The following MEDAG variants were observed in gnomAD, a reference collection of about 807,000 sequenced individuals.
MEDAG encodes mesenteric estrogen dependent adipogenesis.
Under a neutral mutation model 29.9 loss-of-function variants are expected in MEDAG, and 25 were observed. The ratio of observed to expected loss-of-function variants is 0.84; its 90% CI spans 0.61 to 1.17. MEDAG has a LOEUF of 1.17. MEDAG is among the 50% of genes most tolerant of loss of function. MEDAG has a pLI of 0.00. For synonymous variants in MEDAG, 158 were observed against 148.2 expected, an observed-to-expected ratio of 1.07 and a Z score of -0.48; for missense variants, 398 against 372.9, an observed-to-expected ratio of 1.07 and a Z score of -0.56.
Position 30,906,599 on chromosome 13 carries a change from C to A in MEDAG, c.84C>A (p.Cys28Ter), listed in dbSNP as rs1952831982. The A allele has an allele frequency of 1.9e-6, 3 of 1,586,790 alleles. No homozygotes were observed. The highest frequency in any genetic ancestry group is 1.7e-5 in the Admixed American group (1 of 59,280). The change falls in exon 1 of 5, where the codon TGC becomes TGA. Residue 28 changes from cysteine to a stop codon, truncating the protein, a stop_gained. Coordinates refer to ENST00000380482, the MANE Select transcript of MEDAG (RefSeq NM_032849.4). LOFTEE classifies it high-confidence loss of function. ...SSGELRSLWT[C>*]DCELALLPLA... Reference sequence around the variant, plus strand: ...GGGAGCTTCGCAGCCTGTGGACCTGCGACTGCGAGCTGGCCCTGCTGCCGC... The same window carrying A: ...GGGAGCTTCGCAGCCTGTGGACCTGAGACTGCGAGCTGGCCCTGCTGCCGC...
chr13:30,913,525 G>T lies in MEDAG; in HGVS notation c.279-3878G>T, dbSNP rs573867960. ...TGGGATTACAGATGTGAGCCACCAC[G>T]CCCGGCTTTGCCCTGCCTTTTAATC... On this transcript the variant is annotated intron_variant, in intron 1 of 4. Transcript: ENST00000380482. 2.3e-3 allele frequency among the ~76,000 whole-genome samples: 352 copies of T among 152,100 alleles called. 2 individuals carry two copies. Among genetic ancestry groups the T allele is most frequent in the South Asian group, 5.0e-3 (24 of 4,792 alleles).
chr13:30,913,182 C>T (rs932191202), intron 1 of MEDAG, among the ~76,000 whole-genome samples: 7 of 152,090 alleles, frequency 4.6e-5, no homozygotes, highest in African/African-American at 1.7e-4. Flanking sequence ...TTACATTGTC[C>T]TGCTGGGGTT....
chr13:30,916,590 A>T (rs1952931725), intron 1 of MEDAG: 1 of 152,238 alleles, frequency 6.6e-6, no homozygotes, highest in Non-Finnish European at 1.5e-5. Flanking sequence ...GCCTACCTAC[A>T]TCCACATGGC....
rs1169570748 is a variant in MEDAG, at chr13:30,913,796, T to G, written c.279-3607T>G. ...TGGCTCACACCTGTAATCCCAGCAC[T>G]TTGGGAGGCTGAGGCAGGCAGATCA... On this transcript the variant is annotated intron_variant, in intron 1 of 4. Transcript: ENST00000380482. Among the ~76,000 whole-genome samples the G allele has an allele frequency of 2.0e-5, 3 of 152,226 alleles. No individual in the cohort carries two copies. The East Asian group carries it at 5.8e-4, about 29-fold the overall frequency.
chr13:30,910,808 A>T (rs1485647757), intron 1 of MEDAG, among the ~76,000 whole-genome samples: 1 of 152,222 alleles, frequency 6.6e-6, no homozygotes, highest in Non-Finnish European at 1.5e-5. Flanking sequence ...GGGCTGGAAC[A>T]CACTTGGAAG....
At position 30,906,474 on chromosome 13, in the gene MEDAG, C is replaced by A. The variant is rs1239717170; in HGVS notation, c.-42C>A. The A allele has an allele frequency of 7.0e-7, 1 of 1,437,856 alleles. No homozygotes were observed. The highest frequency in any genetic ancestry group is 2.7e-5 in the East Asian group (1 of 36,822). The allele number at this position is 1,437,856 out of a possible 1,614,324, so 89.1% of individuals were successfully genotyped here. ...TCAGGTGCCGGCTGGGGGCTGTAGG[C>A]ACCGGACGGAAGCAGGCGGTGTGAG... On this transcript the variant is annotated 5_prime_UTR_variant, in exon 1 of 5. Coordinates refer to ENST00000380482, the MANE Select transcript of MEDAG (RefSeq NM_032849.4).
At position 30,921,841 on chromosome 13, in the gene MEDAG, C is replaced by T. The variant is rs1593511644; in HGVS notation, c.782C>T (p.Ser261Phe). The change falls in exon 4 of 5, where the codon TCC becomes TTC. Residue 261 changes from serine to phenylalanine, a missense_variant. Coordinates refer to ENST00000380482, the MANE Select transcript of MEDAG (RefSeq NM_032849.4). Reference sequence around the variant, plus strand: ...TCTGACCGAAAGTTCAGTGTAACTTCCAGAGGTATGTTAAAAATTCCGAAG... The same window carrying T: ...TCTGACCGAAAGTTCAGTGTAACTTTCAGAGGTATGTTAAAAATTCCGAAG... Reference protein sequence around the residue: ...SFSDRKFSVTSRGSIDDVFNC... With the variant: ...SFSDRKFSVTFRGSIDDVFNC... 1 of 1,593,036 alleles carries T rather than the reference C, an allele frequency of 6.3e-7. No homozygotes were observed. Among genetic ancestry groups the T allele is most frequent in the Non-Finnish European group, 8.5e-7 (1 of 1,172,602 alleles).
chr13:30,907,552 C>T (rs1411493101), intron 1 of MEDAG, among the ~76,000 whole-genome samples: 1 of 152,230 alleles, frequency 6.6e-6, no homozygotes, highest in African/African-American at 2.4e-5. Flanking sequence ...CCATCTGAAG[C>T]AGGCTTTGGT....
In MEDAG at chr13:30,924,330, T is replaced by TAGAC. The variant is rs751810162; in HGVS notation, c.808_809insGACA (p.Asn270ArgfsTer28). Reference sequence around the variant, plus strand: ...TTTTAGGTTCAATAGATGATGTTTTTAACTGCAATCTGTCACCCAGATCAT... The same window carrying TAGAC: ...TTTTAGGTTCAATAGATGATGTTTTTAGACAACTGCAATCTGTCACCCAGATCAT... On this transcript the variant is annotated frameshift_variant, in exon 5 of 5. Transcript: ENST00000380482. LOFTEE classifies it high-confidence loss of function. 117 of 1,613,874 alleles carry TAGAC rather than the reference T, an allele frequency of 7.2e-5. 1 individual carries two copies. The highest frequency in any genetic ancestry group is 1.5e-4 in the African/African-American group (11 of 74,940).
At chr13:30,915,729 G>A (rs1219226669) in intron 1 of MEDAG, among the ~76,000 whole-genome samples, 2 of 151,882 alleles carry the variant, frequency 1.3e-5, no homozygotes, top group African/African-American at 2.4e-5. Context: ...GATGAGGGCA[G>A]GGGAGGGGTG....
intron 4 of MEDAG, 71 bp downstream of exon 4, chr13:30,921,917 A>G (rs952871209): frequency 1.4e-5 from 21 of 1,465,938 alleles, no homozygotes; most frequent in Middle Eastern, 3.7e-4. Flanking sequence ...AATGGAAGAG[A>G]GTCAATTGAT....
At chr13:30,916,830 A>C (rs1213364550) in intron 1 of MEDAG, 1 of 152,390 alleles carries the variant, frequency 6.6e-6, no homozygotes, top group Non-Finnish European at 1.5e-5. Context: ...GATGTAGTGA[A>C]AAGTCCAACA....
chr13:30,919,430 C>T (rs1952960876), intron 2 of MEDAG, among the ~76,000 whole-genome samples: 1 of 152,128 alleles, frequency 6.6e-6, no homozygotes, highest in South Asian at 2.1e-4. Context: ...TACAACCTGC[C>T]CCATCAGCAC....
chr13:30,907,129 T>A (rs1035410503), intron 1 of MEDAG, among the ~76,000 whole-genome samples: 1 of 152,194 alleles, frequency 6.6e-6, no homozygotes, highest in African/African-American at 2.4e-5. Flanking sequence ...CTGGGTCAGA[T>A]GAGCTCAAAT....
chr13:30,908,477 G>T (rs1018714934), intron 1 of MEDAG, among the ~76,000 whole-genome samples: 1 of 152,202 alleles, frequency 6.6e-6, no homozygotes, highest in Non-Finnish European at 1.5e-5. Flanking sequence ...CTGAAGGATG[G>T]CCAGGAGGGA....
chr13:30,917,299 C>T, intron 1 of MEDAG, 104 bp from the exon 2 acceptor site: 1 of 740,580 alleles, frequency 1.4e-6, no homozygotes, highest in South Asian at 1.5e-5. Context: ...CAAGGAACTT[C>T]CCTCCAAGGT....
At chr13:30,909,981 C>A (rs1952866485) in intron 1 of MEDAG, among the ~76,000 whole-genome samples, 1 of 152,156 alleles carries the variant, frequency 6.6e-6, no homozygotes. Flanking sequence ...AGCTCTAAAG[C>A]TCCTTCAAAA....
At chr13:30,915,451 T>A (rs1379528315) in intron 1 of MEDAG, among the ~76,000 whole-genome samples, 15 of 152,096 alleles carry the variant, frequency 9.9e-5, no homozygotes, top group Non-Finnish European at 1.8e-4. Context: ...ATGAGACACA[T>A]GTAAATGCTC....
rs1952986998 is a variant in MEDAG at position 30,921,668 on chromosome 13, T to C, written c.609T>C (p.Asp203=). 6.2e-7 allele frequency: 1 copy of C among 1,614,002 alleles called. No homozygotes were observed. Among genetic ancestry groups the C allele is most frequent in the African/African-American group, 1.3e-5 (1 of 74,944 alleles). ...AYEFKADALF[D]FFYWFGLSNS... is the part of the protein sequence containing the mutation. ...AATTCAAAGCTGATGCATTATTTGA[T>C]TTCTTCTATTGGTTTGGGCTCAGTA... The change falls in exon 4 of 5, where the codon GAT becomes GAC. Residue 203 remains aspartate (D), a synonymous_variant. Transcript: ENST00000380482.
Sources: allele counts gnomAD v4.1 joint callset (sites outside exome capture counted in the v4.1 genomes callset), GRCh38; gene constraint gnomAD v4.1.1; transcripts MANE v1.5; gene names NCBI Gene and HGNC (gene_info 2026-07-23, HGNC 2026-07-21).